Variants in SCYL2 observed in about 807,000 individuals in gnomAD.
SCYL2 encodes SCY1-like protein 2.
Under a neutral mutation model 100.4 loss-of-function variants are expected in SCYL2, and 36 were observed. The ratio of observed to expected loss-of-function variants is 0.36; its 90% confidence interval spans 0.27 to 0.47. The LOEUF is 0.47. SCYL2 is among the 20% of genes least tolerant of loss of function. The probability of loss-of-function intolerance (pLI) is 1.00; values close to 1 mark genes in which losing one functional copy is unlikely to be tolerated. For synonymous variants in SCYL2, 330 were observed against 359.2 expected (o/e 0.92, Z 0.92); for missense variants, 902 against 1,083.9 (o/e 0.83, Z 2.36).
chr12:100,313,359 C>T, intron 6 of SCYL2, 63 bp from the exon 7 acceptor site: 2 of 691,958 alleles, frequency 2.9e-6, no homozygotes, highest in Non-Finnish European at 2.4e-6. Context: ...TAAATGTTTT[C>T]TTAAATGTAT....
intron 1 of SCYL2, among the ~76,000 whole-genome samples, chr12:100,274,047 C>A (rs2096290188): frequency 6.6e-6 from 1 of 152,096 alleles, no homozygotes; most frequent in South Asian, 2.1e-4. Flanking sequence ...TTTCATAATG[C>A]CAGTAGCAAC....
intron 1 of SCYL2, among the ~76,000 whole-genome samples, chr12:100,277,932 C>G (rs2135812144): frequency 6.6e-6 from 1 of 152,042 alleles, no homozygotes; most frequent in Non-Finnish European, 1.5e-5. Context: ...TATCTTTTAA[C>G]TTTAAATACC....
At position 100,340,150 on chromosome 12, in the gene SCYL2, G is replaced by A. The variant is rs1297146807; in HGVS notation, c.*978G>A. On this transcript the variant is annotated 3_prime_UTR_variant, in exon 18 of 18. Coordinates refer to ENST00000360820, the MANE Select transcript of SCYL2 (RefSeq NM_017988.6). ...TTACTTCTGTAAAAATTGAGCAGTT[G>A]TATCTTCTGACCACCAACAGATTTT... 6.6e-6 allele frequency: 1 copy of A among 152,500 alleles called. No individual in the cohort carries two copies. Among genetic ancestry groups the A allele is most frequent in the Admixed American group, 6.6e-5 (1 of 15,262 alleles). 9.4% of individuals were successfully genotyped at this position (152,500 alleles called of 1,614,324 possible).
Position 100,338,593 on chromosome 12 carries a change from C to T in SCYL2, c.2211C>T (p.Thr737=). ...MSSLTSLSVS[T]PKSSASSTFT... is the part of the protein sequence containing the mutation. ...CCTTGACCAGCCTTTCTGTTAGTAC[C>T]CCTAAATCTTCTGCTTCAAGTACTT... The change falls in exon 18 of 18, where the codon ACC becomes ACT. Residue 737 remains threonine (T), a synonymous_variant. Transcript: ENST00000360820. 3 of 1,613,618 alleles carry T rather than the reference C, an allele frequency of 1.9e-6. No individual in the cohort carries two copies. The highest frequency in any genetic ancestry group is 2.5e-6 in the Non-Finnish European group (3 of 1,179,668).
At chr12:100,329,774 C>T (rs1312303397) in intron 13 of SCYL2, among the ~76,000 whole-genome samples, 1 of 152,150 alleles carries the variant, frequency 6.6e-6, no homozygotes, top group African/African-American at 2.4e-5. Context: ...GGACTTGGGG[C>T]TCGTTCAAGG....
intron 1 of SCYL2, among the ~76,000 whole-genome samples, chr12:100,276,670 A>G (rs1415167601): frequency 6.6e-6 from 1 of 152,060 alleles, no homozygotes; most frequent in Non-Finnish European, 1.5e-5. Context: ...CTAGAGTTTT[A>G]CTGATTTCAT....
rs1490467060 is a variant in SCYL2 at position 100,335,708 on chromosome 12, T to G, written c.1929+17T>G. The G allele has an allele frequency of 8.1e-6, 13 of 1,606,846 alleles. No individual in the cohort carries two copies. The highest frequency in any genetic ancestry group is 9.4e-6 in the Non-Finnish European group (11 of 1,175,054). On this transcript the variant is annotated intron_variant, in intron 15 of 17. Coordinates refer to ENST00000360820, the MANE Select transcript of SCYL2 (RefSeq NM_017988.6). ...GGGAATCAGGTAAGAAGCAGCTTAA[T>G]TTTTGCAGAAAGTATGCTTCATCTG...
At chr12:100,295,469 G>T (rs983849796) in intron 3 of SCYL2, among the ~76,000 whole-genome samples, 1 of 152,136 alleles carries the variant, frequency 6.6e-6, no homozygotes, top group African/African-American at 2.4e-5. Flanking sequence ...GCCGAGGCTG[G>T]CGGATCACTC....
chr12:100,295,830 G>A (rs1021039066), intron 3 of SCYL2, among the ~76,000 whole-genome samples: 14 of 152,040 alleles, frequency 9.2e-5, no homozygotes, highest in Admixed American at 2.6e-4. Context: ...TCCATGCTGA[G>A]CTGCAAGGGG....
intron 3 of SCYL2, among the ~76,000 whole-genome samples, chr12:100,295,579 A>G (rs2096318861): frequency 6.6e-6 from 1 of 151,884 alleles, no homozygotes; most frequent in Non-Finnish European, 1.5e-5. Flanking sequence ...CGTGCCTGCA[A>G]TCGCAGGCAC....
At position 100,329,196 on chromosome 12, in the gene SCYL2, A is replaced by G. The variant is rs11831452; in HGVS notation, c.1643-5A>G. 0.026 allele frequency: 35,637 copies of G among 1,389,772 alleles called. 538 individuals carry two copies. Among genetic ancestry groups the G allele is most frequent in the African/African-American group, 0.047 (3,354 of 70,684 alleles). The allele number at this position is 1,389,772 out of a possible 1,614,324, so 86.1% of individuals were successfully genotyped here. A position where few individuals can be genotyped will look rare whatever the true frequency, so the allele number is the denominator to read the frequency against. ...TATAAAATTTGTCACATTCTTTTCT[A>G]TCAGGTATTTACAAATGTACTTTTA... On this transcript the variant is annotated splice_polypyrimidine_tract_variant and splice_region_variant and intron_variant, in intron 12 of 17. Transcript: ENST00000360820.
rs547940606 is a variant in SCYL2 at position 100,274,777 on chromosome 12, A to G, written c.-29+6985A>G. Among the ~76,000 whole-genome samples, 44 of 152,366 alleles carry G rather than the reference A, an allele frequency of 2.9e-4. No individual in the cohort carries two copies. In the South Asian group the frequency reaches 6.4e-3, roughly 22 times the overall value. On this transcript the variant is annotated intron_variant, in intron 1 of 17. Coordinates refer to ENST00000360820, the MANE Select transcript of SCYL2 (RefSeq NM_017988.6). ...CATAGACTTGTTCTCAGGCAAATCA[A>G]TTTTAGGAAAGAGTACACCTGGAAG...
At chr12:100,309,281 A>G (rs1474371495) in intron 4 of SCYL2, among the ~76,000 whole-genome samples, 1 of 152,178 alleles carries the variant, frequency 6.6e-6, no homozygotes, top group African/African-American at 2.4e-5. Context: ...CATTAAGTAC[A>G]TTCACATTGT....
chr12:100,328,544 G>A (rs79523978), intron 12 of SCYL2, among the ~76,000 whole-genome samples: 3,765 of 152,240 alleles, frequency 0.025, 153 homozygotes, highest in African/African-American at 0.085. Flanking sequence ...CAGAATAATG[G>A]GGGATGGTAT....
intron 4 of SCYL2, 104 bp downstream of exon 4, chr12:100,298,279 G>T: frequency 3.6e-6 from 3 of 837,510 alleles, no homozygotes; most frequent in Non-Finnish European, 5.2e-6. Flanking sequence ...GTAAACTTTT[G>T]GTTCTTGTTA....
In SCYL2 at chr12:100,339,316, C is replaced by A; in HGVS notation, c.*144C>A. 1.2e-6 allele frequency: 1 copy of A among 815,628 alleles called. No homozygotes were observed. Among genetic ancestry groups the A allele is most frequent in the Non-Finnish European group, 1.9e-6 (1 of 531,114 alleles). The allele number at this position is 815,628 out of a possible 1,614,324, so 50.5% of individuals were successfully genotyped here. ...CAGGAAACATCTCTGTCCATGCCAG[C>A]ATAGTAGTTGTATGGACTTCTAACC... On this transcript the variant is annotated 3_prime_UTR_variant, in exon 18 of 18. Transcript: ENST00000360820.
At position 100,267,404 on chromosome 12, in the gene SCYL2, A is replaced by C; in HGVS notation, c.-417A>C. ...TCCTGGAAGAAGGAAGAGGTAAGTG[A>C]CCGGCCGCCGGCACCGACCGACCTC... is the stretch of plus-strand genomic sequence containing the variant. On this transcript the variant is annotated 5_prime_UTR_variant, in exon 1 of 18. Coordinates refer to ENST00000360820, the MANE Select transcript of SCYL2 (RefSeq NM_017988.6). The C allele has an allele frequency of 9.2e-6, 2 of 217,264 alleles. No individual in the cohort carries two copies. Among genetic ancestry groups the C allele is most frequent in the Admixed American group, 5.8e-5 (1 of 17,098 alleles). The allele number at this position is 217,264 out of a possible 1,614,324, so 13.5% of individuals were successfully genotyped here. A position where few individuals can be genotyped will look rare whatever the true frequency, so the allele number is the denominator to read the frequency against.
intron 3 of SCYL2, among the ~76,000 whole-genome samples, chr12:100,293,840 T>TG (rs1306485974): frequency 1.3e-5 from 2 of 152,214 alleles, no homozygotes; most frequent in South Asian, 4.2e-4. Context: ...AGCACAGGGT[T>TG]GGGGGTAAGG....
chr12:100,325,751 A>G (rs905335748), intron 11 of SCYL2, among the ~76,000 whole-genome samples: 33 of 151,980 alleles, frequency 2.2e-4, no homozygotes, highest in Admixed American at 1.0e-3. Context: ...TTTTGCTTAA[A>G]ATATATATAT....
Sources: allele counts gnomAD v4.1 joint callset (sites outside exome capture counted in the v4.1 genomes callset), GRCh38; gene constraint gnomAD v4.1.1; transcripts MANE v1.5; gene names NCBI Gene and HGNC (gene_info 2026-07-23, HGNC 2026-07-21).